The following PLPP3 variants were observed in gnomAD, a reference collection of about 807,000 sequenced individuals.
PLPP3 encodes the protein phospholipid phosphatase 3.
A neutral mutation model predicts 29.6 loss-of-function variants in PLPP3; 6 were observed. The ratio of observed to expected loss-of-function variants is 0.20; its 90% CI spans 0.11 to 0.40. The LOEUF is 0.40. PLPP3 is among the 10% of genes least tolerant of loss of function. The probability of loss-of-function intolerance (pLI) is 1.00; values close to 1 mark genes in which losing one functional copy is unlikely to be tolerated. For synonymous variants in PLPP3, 152 were observed against 159.7 expected, an observed-to-expected ratio of 0.95 and a Z score of 0.36; for missense variants, 308 against 407.7, an observed-to-expected ratio of 0.76 and a Z score of 2.11.
intron 5 of PLPP3, among the ~76,000 whole-genome samples, chr1:56,497,781 C>T (rs1645639866): frequency 6.6e-6 from 1 of 152,174 alleles, no homozygotes; most frequent in African/African-American, 2.4e-5. Flanking sequence ...CGATCCAGGG[C>T]CTGGCCACAG....
At chr1:56,504,292 C>T (rs531365655) in intron 5 of PLPP3, among the ~76,000 whole-genome samples, 1 of 152,228 alleles carries the variant, frequency 6.6e-6, no homozygotes, top group South Asian at 2.1e-4. Flanking sequence ...TAGGAAGACC[C>T]GCCCCCGCCC....
chr1:56,532,574 C>G (rs1189468558), intron 2 of PLPP3, among the ~76,000 whole-genome samples: 1 of 152,136 alleles, frequency 6.6e-6, no homozygotes, highest in Non-Finnish European at 1.5e-5. Context: ...CTTCTTGTCT[C>G]TCCAGCAAGA....
rs1490235227 is a variant in PLPP3 at position 56,495,015 on chromosome 1, T to G, written c.*1536A>C. On this transcript the variant is annotated 3_prime_UTR_variant, in exon 6 of 6. Coordinates refer to ENST00000371250, the MANE Select transcript of PLPP3 (RefSeq NM_003713.5). ...TTTAAAAAAATTAACTCAATGCTTT[T>G]TTAAGCAGCTAATGTAAATAACACA... The G allele has an allele frequency of 6.6e-6, 1 of 152,654 alleles. No homozygotes were observed. The highest frequency in any genetic ancestry group is 1.9e-4 in the East Asian group (1 of 5,202). The allele number at this position is 152,654 out of a possible 1,614,324, so 9.5% of individuals were successfully genotyped here.
At chr1:56,556,137 T>C (rs1253501924) in intron 1 of PLPP3, among the ~76,000 whole-genome samples, 1 of 152,210 alleles carries the variant, frequency 6.6e-6, no homozygotes, top group East Asian at 1.9e-4. Flanking sequence ...AGGTAAATTG[T>C]GCCCTCTCCC....
intron 5 of PLPP3, among the ~76,000 whole-genome samples, chr1:56,507,888 ATGC>A (rs1246648806): frequency 6.6e-6 from 1 of 152,184 alleles, no homozygotes; most frequent in Non-Finnish European, 1.5e-5. Context: ...TGAAGATTCT[ATGC>A]TGCTAGCTTT....
intron 4 of PLPP3, chr1:56,512,429 T>C (rs149916706): frequency 3.7e-5 from 11 of 300,758 alleles, no homozygotes; most frequent in Non-Finnish European, 6.7e-5. Context: ...CTGGCCAACA[T>C]AGTGAAACCT....
intron 1 of PLPP3, among the ~76,000 whole-genome samples, chr1:56,545,586 A>G (rs923171958): frequency 6.6e-6 from 1 of 152,206 alleles, no homozygotes. Context: ...GAACCCTGAC[A>G]TAGGGAAGAA....
At position 56,579,047 on chromosome 1, in the gene PLPP3, C is replaced by T. The variant is rs764529183; in HGVS notation, c.-31G>A. The stretch of plus-strand genomic sequence containing the variant: ...TGGCTGCGGCGCGAGCCTCCCGCCC[C>T]GCGAAGACGTCCCGCAACAGCAGCC... On this transcript the variant is annotated 5_prime_UTR_variant, in exon 1 of 6. Coordinates refer to ENST00000371250, the MANE Select transcript of PLPP3 (RefSeq NM_003713.5). 6.3e-7 allele frequency: 1 copy of T among 1,574,946 alleles called. No individual in the cohort carries two copies. Among genetic ancestry groups the T allele is most frequent in the Non-Finnish European group, 8.6e-7 (1 of 1,165,572 alleles).
intron 1 of PLPP3, among the ~76,000 whole-genome samples, chr1:56,567,182 A>C (rs768463894): frequency 2.6e-5 from 4 of 152,168 alleles, no homozygotes; most frequent in Non-Finnish European, 5.9e-5. Context: ...CTGACCACCC[A>C]GCATCGATTT....
chr1:56,573,939 C>T (rs1372360856), intron 1 of PLPP3, among the ~76,000 whole-genome samples: 3 of 152,152 alleles, frequency 2.0e-5, no homozygotes, highest in East Asian at 1.9e-4. Context: ...CGGTGGCTCA[C>T]ACCTGTAATC....
chr1:56,534,466 C>T (rs1396827577), intron 2 of PLPP3, among the ~76,000 whole-genome samples: 3 of 152,136 alleles, frequency 2.0e-5, no homozygotes, highest in African/African-American at 7.2e-5. Flanking sequence ...GCATCCAACT[C>T]AGTCAAGGCC....
intron 1 of PLPP3, among the ~76,000 whole-genome samples, chr1:56,560,657 GC>G (rs530606088): frequency 6.6e-6 from 1 of 151,916 alleles, no homozygotes; most frequent in Non-Finnish European, 1.5e-5. Context: ...ACCTCTTAAA[GC>G]CCCCCCACCT....
chr1:56,539,323 C>T (rs1645952331), intron 1 of PLPP3, among the ~76,000 whole-genome samples: 2 of 152,134 alleles, frequency 1.3e-5, no homozygotes, highest in Admixed American at 1.3e-4. Flanking sequence ...AAAAAAAGTA[C>T]CATGAACTCC....
rs892554212 is a variant in PLPP3 at position 56,495,950 on chromosome 1, T to C, written c.*601A>G. On this transcript the variant is annotated 3_prime_UTR_variant, in exon 6 of 6. Transcript: ENST00000371250. ...TCTGCTAATCACTAATGTGAGGAAC[T>C]ATGGTTGTTGGCCTATGGGCAGGGG... 1.3e-5 allele frequency: 2 copies of C among 152,762 alleles called. No individual in the cohort carries two copies. The highest frequency in any genetic ancestry group is 2.9e-5 in the Non-Finnish European group (2 of 68,128). The allele number at this position is 152,762 out of a possible 1,614,324, so 9.5% of individuals were successfully genotyped here.
chr1:56,566,919 G>A (rs987577004), intron 1 of PLPP3, among the ~76,000 whole-genome samples: 30 of 152,196 alleles, frequency 2.0e-4, no homozygotes, highest in Non-Finnish European at 1.5e-5. Context: ...CACATACACA[G>A]CCATATATCC....
chr1:56,511,158 C>T (rs1054697801), intron 5 of PLPP3, among the ~76,000 whole-genome samples: 1 of 152,160 alleles, frequency 6.6e-6, no homozygotes, highest in Non-Finnish European at 1.5e-5. Context: ...GTCACAATAT[C>T]AAAGTAGGTG....
At chr1:56,567,207 T>G (rs1248240414) in intron 1 of PLPP3, among the ~76,000 whole-genome samples, 1 of 152,124 alleles carries the variant, frequency 6.6e-6, no homozygotes, top group Admixed American at 6.5e-5. Flanking sequence ...GTCAGCTTAT[T>G]GTTCTCTGCT....
Position 56,541,360 on chromosome 1 carries a change from C to T in PLPP3, c.140-4248G>A, listed in dbSNP as rs115036011. On this transcript the variant is annotated intron_variant, in intron 1 of 5. Transcript: ENST00000371250. ...ATGAAGGGAATGAAGGAAAGAAAGG[C>T]GAAAATAGCACAAAGCATAAATAAT... is the stretch of plus-strand genomic sequence containing the variant. Among the ~76,000 whole-genome samples, 1,072 of 152,140 alleles carry T rather than the reference C, an allele frequency of 7.0e-3. 13 individuals carry two copies. Among genetic ancestry groups the T allele is most frequent in the African/African-American group, 0.024 (1,012 of 41,494 alleles).
At chr1:56,505,544 T>C (rs1019391427) in intron 5 of PLPP3, among the ~76,000 whole-genome samples, 1 of 152,180 alleles carries the variant, frequency 6.6e-6, no homozygotes, top group Non-Finnish European at 1.5e-5. Context: ...CCTCCTCTTC[T>C]TCCTCCTCGT....
Sources: gnomAD v4.1 joint callset for allele counts (sites outside exome capture counted in the v4.1 genomes callset) on GRCh38, gnomAD v4.1.1 for gene constraint, MANE v1.5 for transcripts, NCBI Gene and HGNC (gene_info 2026-07-23, HGNC 2026-07-21) for gene names.